Variants in CNTN6 observed in about 807,000 individuals in gnomAD.
CNTN6 encodes contactin-6.
CNTN6 carries 137 observed loss-of-function variants against 122.8 expected under a neutral mutation model. That is an observed-to-expected ratio of 1.12 (90% confidence interval 0.97 to 1.29). CNTN6 has a LOEUF of 1.29. Ranked by LOEUF, CNTN6 falls within the 50% of genes most tolerant of loss-of-function variation. CNTN6 has a pLI of 0.00. For missense variants in CNTN6, 1,634 were observed against 1,223.4 expected, an observed-to-expected ratio of 1.34 and a Z score of -5.01; for synonymous variants, 570 against 426.0, an observed-to-expected ratio of 1.34 and a Z score of -4.16.
chr3:1,221,024 A>G (rs961871283), intron 3 of CNTN6, among the ~76,000 whole-genome samples: 3 of 152,150 alleles, frequency 2.0e-5, no homozygotes, highest in African/African-American at 7.2e-5. Context: ...TTTCCAGGCA[A>G]TAATTAACCC....
chr3:1,350,878 A>T (rs1178752525), intron 11 of CNTN6, among the ~76,000 whole-genome samples: 1 of 151,878 alleles, frequency 6.6e-6, no homozygotes, highest in Non-Finnish European at 1.5e-5. Flanking sequence ...TTCAAATCAG[A>T]TAAAGAATTA....
chr3:1,160,369 C>A (rs367884305), intron 2 of CNTN6, among the ~76,000 whole-genome samples: 1 of 89,656 alleles, frequency 1.1e-5, no homozygotes, highest in Admixed American at 1.3e-4. Context: ...TATATATATA[C>A]ACACTACCTA....
intron 3 of CNTN6, among the ~76,000 whole-genome samples, chr3:1,225,699 GTT>G (rs35640182): frequency 2.7e-5 from 3 of 109,612 alleles, no homozygotes; most frequent in Admixed American, 8.6e-5. Context: ...TTTTATTATT[GTT>G]TTTTTTTTTT....
Position 1,383,301 on chromosome 3 carries a change from C to A in CNTN6, c.2410C>A (p.Leu804Met), listed in dbSNP as rs1205841845. The A allele has an allele frequency of 1.9e-6, 3 of 1,613,630 alleles. No individual in the cohort carries two copies. The highest frequency in any genetic ancestry group is 1.6e-4 in the Middle Eastern group (1 of 6,062). ...IVYSGEDEPQ[L>M]APRGTSLQSF... ...CTTTCTCTGGATGGTAGAACCTCAA[C>A]TGGCCCCAAGGGGAACTTCTCTCCA... The change falls in exon 19 of 23, where the codon CTG becomes ATG. Residue 804 changes from leucine to methionine, a missense_variant. Coordinates refer to ENST00000446702, the MANE Select transcript of CNTN6 (RefSeq NM_001289080.2).
At chr3:1,380,904 T>C (rs1368341813) in intron 17 of CNTN6, among the ~76,000 whole-genome samples, 1 of 152,228 alleles carries the variant, frequency 6.6e-6, no homozygotes, top group Non-Finnish European at 1.5e-5. Context: ...AATTTCACAA[T>C]TTCTTTATTT....
At chr3:1,122,887 C>G (rs1036320291) in intron 1 of CNTN6, among the ~76,000 whole-genome samples, 2 of 151,802 alleles carry the variant, frequency 1.3e-5, no homozygotes, top group Non-Finnish European at 2.9e-5. Flanking sequence ...TTTGAATGTG[C>G]TACTATAAGC....
chr3:1,250,664 C>G (rs1559612507), intron 4 of CNTN6, among the ~76,000 whole-genome samples: 2 of 152,158 alleles, frequency 1.3e-5, no homozygotes, highest in South Asian at 2.1e-4. Flanking sequence ...TATCTGAACC[C>G]ACTTCCCAAT....
chr3:1,290,215 T>G (rs1055984441), intron 5 of CNTN6, among the ~76,000 whole-genome samples: 2 of 152,310 alleles, frequency 1.3e-5, no homozygotes, highest in East Asian at 1.9e-4. Flanking sequence ...AAAATTCAAG[T>G]TTTTATATCT....
At chr3:1,190,544 G>A (rs997442520) in intron 2 of CNTN6, among the ~76,000 whole-genome samples, 1 of 152,132 alleles carries the variant, frequency 6.6e-6, no homozygotes, top group East Asian at 1.9e-4. Context: ...AACACATTGT[G>A]ATCAAATGCA....
chr3:1,387,998 A>C (rs1333889412), intron 20 of CNTN6, among the ~76,000 whole-genome samples: 1 of 152,152 alleles, frequency 6.6e-6, no homozygotes, highest in Non-Finnish European at 1.5e-5. Context: ...GGCGCCCGCC[A>C]TTGGCCAGGC....
At chr3:1,265,470 T>C (rs148322682) in intron 4 of CNTN6, among the ~76,000 whole-genome samples, 2 of 152,182 alleles carry the variant, frequency 1.3e-5, no homozygotes, top group African/African-American at 4.8e-5. Flanking sequence ...TACTCAAGAG[T>C]AGAAATGTTT....
intron 1 of CNTN6, among the ~76,000 whole-genome samples, chr3:1,107,876 G>A (rs1251356801): frequency 2.0e-5 from 3 of 152,034 alleles, no homozygotes; most frequent in African/African-American, 4.8e-5. Flanking sequence ...GGTCTAAATT[G>A]CAGTTTCAAA....
At chr3:1,127,207 C>CAAAGACACATTCTAGCACAGTTTA (rs2092194360) in intron 1 of CNTN6, among the ~76,000 whole-genome samples, 1 of 151,792 alleles carries the variant, frequency 6.6e-6, no homozygotes, top group African/African-American at 2.4e-5. Context: ...AGGGTTGCTT[C>CAAAGACACATTCTAGCACAGTTTA]AAAGACACAT....
intron 2 of CNTN6, among the ~76,000 whole-genome samples, chr3:1,167,547 G>A (rs975936289): frequency 1.3e-5 from 2 of 152,144 alleles, no homozygotes; most frequent in South Asian, 2.1e-4. Context: ...ACAGCCATAC[G>A]ACATTTCCTA....
chr3:1,291,979 A>T (rs954227286), intron 5 of CNTN6, among the ~76,000 whole-genome samples: 30 of 152,154 alleles, frequency 2.0e-4, no homozygotes, highest in African/African-American at 7.2e-4. Context: ...GTTGAGGCTG[A>T]AGGAAACCAT....
chr3:1,158,953 TACAC>T (rs536628538), intron 2 of CNTN6, among the ~76,000 whole-genome samples: 6 of 104,226 alleles, frequency 5.8e-5, no homozygotes, highest in South Asian at 3.5e-4. Context: ...TATATATATA[TACAC>T]ACACACACAC....
intron 4 of CNTN6, among the ~76,000 whole-genome samples, chr3:1,265,077 T>C (rs2094907284): frequency 7.9e-6 from 1 of 125,972 alleles, no homozygotes; most frequent in Non-Finnish European, 1.6e-5. Flanking sequence ...TGGATAGGGA[T>C]AGTATTTTAT....
chr3:1,128,188 T>C (rs747515266), intron 1 of CNTN6: 1 of 151,934 alleles, frequency 6.6e-6, no homozygotes, highest in African/African-American at 2.4e-5. Flanking sequence ...CTTTCTTCCA[T>C]CTCCAAATAT....
chr3:1,333,127 A>G (rs1182152190), intron 11 of CNTN6, among the ~76,000 whole-genome samples: 1 of 152,004 alleles, frequency 6.6e-6, no homozygotes, highest in Non-Finnish European at 1.5e-5. Context: ...AGGAATTGGC[A>G]TCAGATTTCC....
Sources: allele counts gnomAD v4.1 joint callset (sites outside exome capture counted in the v4.1 genomes callset), GRCh38; gene constraint gnomAD v4.1.1; transcripts MANE v1.5; gene names NCBI Gene and HGNC (gene_info 2026-07-23, HGNC 2026-07-21).